RUVBL1: variants seen among roughly 807,000 people sequenced by gnomAD.
RUVBL1 encodes the protein RuvB like AAA ATPase 1.
In RUVBL1, 4 loss-of-function variants were observed where a neutral mutation model predicts 52.4. The ratio of observed to expected loss-of-function variants is 0.08; its 90% CI spans 0.04 to 0.17. RUVBL1 has a LOEUF of 0.17. RUVBL1 is among the 10% of genes least tolerant of loss of function. The pLI, the probability that RUVBL1 is intolerant of heterozygous loss-of-function variation, is 1.00. For missense variants in RUVBL1, 298 were observed against 572.8 expected (o/e 0.52, Z 4.90); for synonymous variants, 217 against 214.4 (o/e 1.01, Z -0.10).
chr3:128,090,696 G>A (rs555726607), intron 8 of RUVBL1, among the ~76,000 whole-genome samples: 5 of 152,296 alleles, frequency 3.3e-5, no homozygotes, highest in African/African-American at 7.2e-5. Flanking sequence ...TATTTGGTGT[G>A]CCTGGAACCT....
At position 128,119,301 on chromosome 3, in the gene RUVBL1, A is replaced by C. The variant is rs558740728; in HGVS notation, c.228+27T>G. On this transcript the variant is annotated intron_variant, in intron 2 of 10. Transcript: ENST00000322623. The stretch of plus-strand genomic sequence containing the variant: ...ACACTAGGATCATTCTCCTGGGTAG[A>C]TTTAAAAAATGAGAGAAAATGAGTA... 4.0e-5 allele frequency: 64 copies of C among 1,585,928 alleles called. No homozygotes were observed. The Middle Eastern group carries it at 5.0e-4, about 12-fold the overall frequency.
At chr3:128,105,372 G>A (rs780893658) in intron 3 of RUVBL1, among the ~76,000 whole-genome samples, 1 of 151,832 alleles carries the variant, frequency 6.6e-6, no homozygotes, top group Non-Finnish European at 1.5e-5. Flanking sequence ...TACCCTCCTC[G>A]GCCTCCCAAA....
chr3:128,147,475 G>T (rs1944122625), intron 1 of RUVBL1, among the ~76,000 whole-genome samples: 1 of 152,176 alleles, frequency 6.6e-6, no homozygotes, highest in South Asian at 2.1e-4. Context: ...GGAGGCTGGG[G>T]CGGGAGGATG....
rs1489754654 is a variant in RUVBL1, at chr3:128,097,323, G to A, written c.993C>T (p.Ser331=). The change falls in exon 8 of 11, where the codon TCC becomes TCT. Residue 331 remains serine, a synonymous_variant. Transcript: ENST00000322623. ...ACCTGATGACACAGTTGCCTCGGTT[G>A]GATGCAAAGATGACGATGGGAGCGA... ...SSIAPIVIFA[S]NRGNCVIRGT... 1.2e-6 allele frequency: 2 copies of A among 1,614,154 alleles called. No individual in the cohort carries two copies. The highest frequency in any genetic ancestry group is 1.7e-5 in the Admixed American group (1 of 60,010).
intron 1 of RUVBL1, among the ~76,000 whole-genome samples, chr3:128,150,998 T>G (rs1944196834): frequency 1.1e-5 from 1 of 91,828 alleles, no homozygotes; most frequent in Non-Finnish European, 1.9e-5. Flanking sequence ...ATATATTATA[T>G]ATATTATATT....
Position 128,082,538 on chromosome 3 carries a change from T to C in RUVBL1, c.1156A>G (p.Ile386Val). The C allele has an allele frequency of 6.2e-7, 1 of 1,613,920 alleles. No homozygotes were observed. ...AGGTGGTTCAGTGCCTCCTCACTGATGTTGATTCCTTCCGTCTGGGCACGG... is the reference window on the plus strand; with the variant it reads ...AGGTGGTTCAGTGCCTCCTCACTGACGTTGATTCCTTCCGTCTGGGCACGG... ...KIRAQTEGIN[I>V]SEEALNHLGE... The change falls in exon 10 of 11, where the codon ATC becomes GTC. Residue 386 changes from isoleucine to valine, a missense_variant. Coordinates refer to ENST00000322623, the MANE Select transcript of RUVBL1 (RefSeq NM_003707.3). The surrounding 1 kb of genome is among the most constrained non-coding windows in gnomAD (Gnocchi z 4.7).
intron 9 of RUVBL1, chr3:128,068,985 G>A (rs1179319026): frequency 6.6e-6 from 1 of 152,470 alleles, no homozygotes; most frequent in Admixed American, 6.5e-5. Context: ...AGCAGGGATG[G>A]TAGGCAATTT....
intron 9 of RUVBL1, among the ~76,000 whole-genome samples, chr3:128,075,548 G>C (rs6807984): frequency 0.016 from 2,483 of 152,186 alleles, 52 homozygotes; most frequent in African/African-American, 0.057. Context: ...GGGGACACAC[G>C]CCTTCCTCCC....
At chr3:128,092,673 G>A (rs947604807) in intron 8 of RUVBL1, among the ~76,000 whole-genome samples, 1 of 152,136 alleles carries the variant, frequency 6.6e-6, no homozygotes, top group African/African-American at 2.4e-5. Context: ...TTACCCACTA[G>A]AATATCTATA....
chr3:128,093,078 A>G (rs1942882959), intron 8 of RUVBL1, among the ~76,000 whole-genome samples: 1 of 152,214 alleles, frequency 6.6e-6, no homozygotes, highest in Non-Finnish European at 1.5e-5. Flanking sequence ...GAGCACCATT[A>G]TTCATAATAA....
At chr3:128,117,620 T>G (rs899371867) in intron 2 of RUVBL1, among the ~76,000 whole-genome samples, 2 of 151,778 alleles carry the variant, frequency 1.3e-5, no homozygotes, top group African/African-American at 4.8e-5. Context: ...TTTTTTGTTT[T>G]TTTTTTTTTT....
At chr3:128,100,411 G>C (rs560096166) in intron 6 of RUVBL1, among the ~76,000 whole-genome samples, 184 bp downstream of exon 6, 1 of 152,308 alleles carries the variant, frequency 6.6e-6, no homozygotes, top group South Asian at 2.1e-4. Context: ...TCTGTGACTA[G>C]AGCATTTGAA....
chr3:128,126,454 G>A (rs964791950), upstream of RUVBL1, among the ~76,000 whole-genome samples: 4 of 151,958 alleles, frequency 2.6e-5, no homozygotes, highest in East Asian at 1.9e-4. Flanking sequence ...GCTGAGGCAC[G>A]AGAATCGCTT....
chr3:128,117,197 T>C (rs540709990), intron 2 of RUVBL1, among the ~76,000 whole-genome samples: 3 of 152,158 alleles, frequency 2.0e-5, no homozygotes, highest in Non-Finnish European at 4.4e-5. Context: ...TAAGAGACAA[T>C]TAGACTGGAA....
chr3:128,135,246 A>C (rs1017282469), intron 1 of RUVBL1, among the ~76,000 whole-genome samples: 3 of 152,112 alleles, frequency 2.0e-5, no homozygotes, highest in African/African-American at 7.2e-5. Flanking sequence ...AAAGTGCTAA[A>C]GGAAGGCTGG....
At position 128,067,873 on chromosome 3, in the gene RUVBL1, G is replaced by A. The variant is rs576557298; in HGVS notation, c.940-2653C>T. ...GCGGCAGTTTTAAAGTTCTCTGTAT[G>A]AATATTGTCAGTGCTCGAAGAGGCG... is the stretch of plus-strand genomic sequence containing the variant. On this transcript the variant is annotated intron_variant, in intron 9 of 9. Coordinates refer to the RUVBL1 transcript ENST00000464873. The surrounding 1 kb of genome is among the most constrained non-coding windows in gnomAD (Gnocchi z 4.1). The A allele has an allele frequency of 2.6e-5, 23 of 871,146 alleles. 2 individuals are homozygous for A. The South Asian group carries it at 3.2e-4, about 12-fold the overall frequency. 54.0% of individuals were successfully genotyped at this position (871,146 alleles called of 1,614,324 possible).
At chr3:128,137,031 A>G (rs141825327) in intron 1 of RUVBL1, among the ~76,000 whole-genome samples, 1 of 152,190 alleles carries the variant, frequency 6.6e-6, no homozygotes, top group Non-Finnish European at 1.5e-5. Flanking sequence ...AATACACATT[A>G]TTCTCCTCAG....
At chr3:128,152,095 T>C (rs1191301279) in intron 1 of RUVBL1, among the ~76,000 whole-genome samples, 1 of 152,136 alleles carries the variant, frequency 6.6e-6, no homozygotes, top group African/African-American at 2.4e-5. Context: ...TCTTTTAACT[T>C]CTCTTCTTTG....
intron 9 of RUVBL1, chr3:128,069,741 G>C (rs1942100003): frequency 1.2e-5 from 14 of 1,158,128 alleles, no homozygotes; most frequent in Non-Finnish European, 1.8e-5. Context: ...GCGTGCTGCT[G>C]CGGCATATGG....
Sources: gnomAD v4.1 joint callset for allele counts (sites outside exome capture counted in the v4.1 genomes callset) on GRCh38, gnomAD v4.1.1 for gene constraint, Gnocchi (gnomAD v3.1) non-coding constraint, MANE v1.5 for transcripts, NCBI Gene and HGNC (gene_info 2026-07-23, HGNC 2026-07-21) for gene names.